SLC2A13: variants seen among roughly 807,000 people sequenced by gnomAD.
SLC2A13 encodes proton myo-inositol cotransporter.
A neutral mutation model predicts 64.4 loss-of-function variants in SLC2A13; 32 were observed. The observed-to-expected ratio is 0.50, with a 90% confidence interval of 0.37 to 0.67. The LOEUF is 0.67. SLC2A13 is among the 30% of genes least tolerant of loss of function. The pLI, the probability that SLC2A13 is intolerant of heterozygous loss-of-function variation, is 0.00. For missense variants in SLC2A13, 743 were observed against 829.2 expected (o/e 0.90, Z 1.28); for synonymous variants, 338 against 327.1 (o/e 1.03, Z -0.36).
At chr12:39,894,056 T>C (rs1944679120) in intron 4 of SLC2A13, among the ~76,000 whole-genome samples, 1 of 152,216 alleles carries the variant, frequency 6.6e-6, no homozygotes. Context: ...GTTAGTACAT[T>C]AATGTTCAAT....
chr12:39,884,807 T>G (rs1944430788), intron 4 of SLC2A13, among the ~76,000 whole-genome samples: 1 of 152,154 alleles, frequency 6.6e-6, no homozygotes, highest in South Asian at 2.1e-4. Context: ...CTGTTTCTCA[T>G]GTCCCAAGAT....
At chr12:40,001,348 C>A (rs985257805) in intron 3 of SLC2A13, among the ~76,000 whole-genome samples, 4 of 152,196 alleles carry the variant, frequency 2.6e-5, no homozygotes, top group African/African-American at 7.2e-5. Context: ...TTGAATATTT[C>A]TGATATTGAT....
intron 1 of SLC2A13, among the ~76,000 whole-genome samples, chr12:40,086,201 A>T (rs1370442266): frequency 6.6e-6 from 1 of 152,110 alleles, no homozygotes; most frequent in Non-Finnish European, 1.5e-5. Flanking sequence ...CACCTGGGAG[A>T]TGCTGAGCAA....
chr12:39,900,343 C>T (rs1410975075), intron 4 of SLC2A13, among the ~76,000 whole-genome samples: 5 of 151,906 alleles, frequency 3.3e-5, no homozygotes, highest in Non-Finnish European at 7.4e-5. Flanking sequence ...CTGGCCAGGG[C>T]GATTAGGCAG....
Position 39,759,952 on chromosome 12 carries a change from G to A in SLC2A13, c.*74C>T. 1 of 1,084,678 alleles carries A rather than the reference G, an allele frequency of 9.2e-7. No individual in the cohort carries two copies. Among genetic ancestry groups the A allele is most frequent in the South Asian group, 1.4e-5 (1 of 71,562 alleles). 67.2% of individuals were successfully genotyped at this position (1,084,678 alleles called of 1,614,324 possible). On this transcript the variant is annotated 3_prime_UTR_variant, in exon 10 of 10. Transcript: ENST00000280871. ...GTGGAAAGAACCAGATTAGAAGCAGGGCAGTGAAGTCACCAATTGCTGTTC... is the reference window on the plus strand; with the variant it reads ...GTGGAAAGAACCAGATTAGAAGCAGAGCAGTGAAGTCACCAATTGCTGTTC...
intron 6 of SLC2A13, among the ~76,000 whole-genome samples, chr12:39,832,307 T>C (rs558588304): frequency 6.6e-4 from 101 of 152,280 alleles, no homozygotes; most frequent in South Asian, 2.1e-3. Context: ...AATTTAACAA[T>C]ACTAATTGTT....
intron 3 of SLC2A13, among the ~76,000 whole-genome samples, chr12:39,952,442 T>C (rs971831250): frequency 2.6e-5 from 4 of 152,202 alleles, no homozygotes; most frequent in Non-Finnish European, 4.4e-5. Context: ...TCAGGATCTT[T>C]TGAAAATCTA....
intron 6 of SLC2A13, 100 bp downstream of exon 6, chr12:39,864,662 C>G: frequency 6.8e-7 from 1 of 1,470,420 alleles, no homozygotes; most frequent in African/African-American, 1.4e-5. Flanking sequence ...CCTGGATGCC[C>G]AGCAAGCTCC....
chr12:39,935,300 T>C (rs773438142), intron 4 of SLC2A13, among the ~76,000 whole-genome samples: 7 of 152,226 alleles, frequency 4.6e-5, no homozygotes, highest in Admixed American at 6.5e-5. Flanking sequence ...AGATATGTCA[T>C]TATAGCCTGT....
chr12:40,076,976 T>C (rs17518322), intron 1 of SLC2A13, among the ~76,000 whole-genome samples: 3,458 of 152,288 alleles, frequency 0.023, 139 homozygotes, highest in African/African-American at 0.078. Flanking sequence ...AAAGTGTTCA[T>C]GTCCTTTGCC....
chr12:39,822,524 A>ATAAGGGGGCTCCCTTAT (rs1942554140), intron 7 of SLC2A13, among the ~76,000 whole-genome samples: 1 of 152,272 alleles, frequency 6.6e-6, no homozygotes, highest in African/African-American at 2.4e-5. Context: ...CCCCTTTTTA[A>ATAAGGGGGCTCCCTTAT]TAAATTCCAA....
intron 9 of SLC2A13, among the ~76,000 whole-genome samples, chr12:39,761,260 C>T (rs4360758): frequency 0.98 from 148,318 of 151,990 alleles, 72,371 homozygotes; most frequent in East Asian, 1. Context: ...AATAAGGGGG[C>T]TTCTCAGCTC....
At position 39,968,733 on chromosome 12, in the gene SLC2A13, C is replaced by A. The variant is rs1946575061; in HGVS notation, c.926-17368G>T. 4.4e-5 allele frequency among the ~76,000 whole-genome samples: 2 copies of A among 45,402 alleles called. 1 individual carries two copies. The highest frequency in any genetic ancestry group is 9.3e-5 in the African/African-American group (2 of 21,424). 29.8% of individuals were successfully genotyped at this position (45,402 alleles called of 152,430 possible). Reference sequence around the variant, plus strand: ...ACTTTACTCTCTAAGCCTGCCCTTTCTTTTTTATTTTTGTTGTTTTTTTTT... The same window carrying A: ...ACTTTACTCTCTAAGCCTGCCCTTTATTTTTTATTTTTGTTGTTTTTTTTT... On this transcript the variant is annotated intron_variant, in intron 3 of 9. Coordinates refer to ENST00000280871, the MANE Select transcript of SLC2A13 (RefSeq NM_052885.4).
chr12:40,093,639 T>A (rs1166262550), intron 1 of SLC2A13, among the ~76,000 whole-genome samples: 1 of 152,126 alleles, frequency 6.6e-6, no homozygotes, highest in Non-Finnish European at 1.5e-5. Flanking sequence ...AAGAGATGCT[T>A]GAGGAAACAC....
In SLC2A13 at chr12:39,923,245, G is replaced by T. The variant is rs11174293; in HGVS notation, c.1034+28012C>A. Among the ~76,000 whole-genome samples, 394 of 151,920 alleles carry T rather than the reference G, an allele frequency of 2.6e-3. 3 individuals carry two copies. Among genetic ancestry groups the T allele is most frequent in the African/African-American group, 8.9e-3 (368 of 41,490 alleles). ...GAATTATTTACAGTAAATAAAAGTG[G>T]AAACAACACAAGTGTCCAACAAATG... On this transcript the variant is annotated intron_variant, in intron 4 of 9. Transcript: ENST00000280871.
At chr12:39,789,356 A>G (rs1284455909) in intron 7 of SLC2A13, among the ~76,000 whole-genome samples, 1 of 152,098 alleles carries the variant, frequency 6.6e-6, no homozygotes, top group Non-Finnish European at 1.5e-5. Context: ...TGCTTTTGAA[A>G]TTCATTCAGG....
rs1332438645 is a variant in SLC2A13 at position 39,825,607 on chromosome 12, T to C, written c.1445+4496A>G. On this transcript the variant is annotated intron_variant, in intron 7 of 9. Transcript: ENST00000280871. Reference sequence around the variant, plus strand: ...TCCATTTATCTGTTTTCAAATGCACTGGAGAACACGGTTCATAGTATTCTC... The same window carrying C: ...TCCATTTATCTGTTTTCAAATGCACCGGAGAACACGGTTCATAGTATTCTC... Among the ~76,000 whole-genome samples, 4 of 152,334 alleles carry C rather than the reference T, an allele frequency of 2.6e-5. No individual in the cohort carries two copies. The South Asian group carries it at 8.3e-4, about 32-fold the overall frequency.
At chr12:40,013,814 G>A (rs915239658) in intron 3 of SLC2A13, among the ~76,000 whole-genome samples, 5 of 152,190 alleles carry the variant, frequency 3.3e-5, no homozygotes, top group African/African-American at 1.2e-4. Context: ...TCACCAGGAT[G>A]TGGAACAACC....
At chr12:40,038,211 T>C (rs2136226805) in intron 2 of SLC2A13, among the ~76,000 whole-genome samples, 1 of 152,340 alleles carries the variant, frequency 6.6e-6, no homozygotes, top group Non-Finnish European at 1.5e-5. Context: ...CATTCAAAGC[T>C]ATTTTCCAAT....
Sources: allele counts gnomAD v4.1 joint callset (sites outside exome capture counted in the v4.1 genomes callset), GRCh38; gene constraint gnomAD v4.1.1; transcripts MANE v1.5; gene names NCBI Gene and HGNC (gene_info 2026-07-23, HGNC 2026-07-21).